TMTC4: variants seen among roughly 807,000 people sequenced by gnomAD.
TMTC4 encodes transmembrane O-mannosyltransferase targeting cadherins 4, also known as protein O-mannosyl-transferase TMTC4.
In TMTC4, 65 loss-of-function variants were observed where a neutral mutation model predicts 86.0. The ratio of observed to expected loss-of-function variants is 0.76; its 90% CI spans 0.62 to 0.93. TMTC4 has a LOEUF of 0.93. Among genes scored for constraint, TMTC4 ranks in the 40% least tolerant of loss-of-function variants. The probability of loss-of-function intolerance (pLI) is 0.00; values close to 1 mark genes in which losing one functional copy is unlikely to be tolerated. For missense variants in TMTC4, 866 were observed against 948.1 expected (o/e 0.91, Z 1.14); for synonymous variants, 379 against 382.5 (o/e 0.99, Z 0.11).
chr13:100,627,464 C>A (rs1022451100), intron 12 of TMTC4, among the ~76,000 whole-genome samples: 6 of 152,114 alleles, frequency 3.9e-5, no homozygotes, highest in African/African-American at 1.4e-4. Flanking sequence ...TGCTCCCTGC[C>A]TCTCTCCTGT....
At position 100,604,418 on chromosome 13, in the gene TMTC4, A is replaced by G. The variant is rs150768408; in HGVS notation, c.*576T>C. 2 of 152,470 alleles carry G rather than the reference A, an allele frequency of 1.3e-5. No individual in the cohort carries two copies. The highest frequency in any genetic ancestry group is 1.9e-4 in the East Asian group (1 of 5,192). 9.4% of individuals were successfully genotyped at this position (152,470 alleles called of 1,614,324 possible). A position where few individuals can be genotyped will look rare whatever the true frequency, so the allele number is the denominator to read the frequency against. On this transcript the variant is annotated 3_prime_UTR_variant, in exon 19 of 19. Transcript: ENST00000342624. ...ATGGGGAAAAGCATATAGATATACT[A>G]TGTTAAAACTTCCATTCCTCATTCG...
chr13:100,674,060 AC>A, intron 1 of TMTC4: 1 of 985,072 alleles, frequency 1.0e-6, no homozygotes. Context: ...CACAACATCA[AC>A]AAGACCAGAA....
chr13:100,651,817 T>C (rs1884479718), intron 6 of TMTC4, among the ~76,000 whole-genome samples: 1 of 152,182 alleles, frequency 6.6e-6, no homozygotes, highest in African/African-American at 2.4e-5. Flanking sequence ...ATCCCAAAAG[T>C]ACAAAGACCA....
Position 100,634,851 on chromosome 13 carries a change from T to C in TMTC4, c.1460A>G (p.Glu487Gly). 6.2e-7 allele frequency: 1 copy of C among 1,614,126 alleles called. No homozygotes were observed. The highest frequency in any genetic ancestry group is 2.2e-5 in the East Asian group (1 of 44,874). The change falls in exon 12 of 19, where the codon GAA becomes GGA. Residue 487 changes from glutamate to glycine, a missense_variant. Transcript: ENST00000342624. ...AGACAGAGCACTTCTGAAAAGCTGT[T>C]CCTCACTCCGCCACTCGCCGCTGCG... ...VLRSGEWRSE[E>G]QLFRSALSVC...
intron 6 of TMTC4, among the ~76,000 whole-genome samples, chr13:100,643,374 C>T (rs1046587865): frequency 4.6e-5 from 7 of 152,206 alleles, no homozygotes; most frequent in African/African-American, 1.2e-4. Flanking sequence ...CCACTCACTG[C>T]GTGACACTGA....
At position 100,634,875 on chromosome 13, in the gene TMTC4, C is replaced by A. The variant is rs779268687; in HGVS notation, c.1436G>T (p.Arg479Leu). ...TTCCTCACTCCGCCACTCGCCGCTG[C>A]GCAGCACACATCTCAGCGTGTTGAT... is the stretch of plus-strand genomic sequence containing the variant. The part of the protein sequence containing the change: ...LFINTLRCVL[R>L]SGEWRSEEQL... The change falls in exon 12 of 19, where the codon CGC becomes CTC. Residue 479 changes from arginine to leucine, a missense_variant. Physicochemically the swap from Arg to Leu is moderately radical, Grantham distance 102 (BLOSUM62 -2). Transcript: ENST00000342624. 2 of 1,614,052 alleles carry A rather than the reference C, an allele frequency of 1.2e-6. No homozygotes were observed. The highest frequency in any genetic ancestry group is 1.7e-6 in the Non-Finnish European group (2 of 1,180,042).
At chr13:100,668,216 GTTTTTT>G (rs34960647) in intron 3 of TMTC4, 1 of 157,430 alleles carries the variant, frequency 6.4e-6, no homozygotes, top group African/African-American at 2.5e-5. Flanking sequence ...TGCGTGATGG[GTTTTTT>G]TTTTTTTTGA....
chr13:100,674,669 C>T (rs1259748484), intron 1 of TMTC4, 75 bp downstream of exon 1: 3 of 983,012 alleles, frequency 3.1e-6, no homozygotes, highest in Non-Finnish European at 3.6e-6. Context: ...CAGCGGGGAA[C>T]CCGCGCCCGC....
intron 15 of TMTC4, among the ~76,000 whole-genome samples, chr13:100,621,965 C>T (rs1879567867): frequency 6.6e-6 from 1 of 152,194 alleles, no homozygotes; most frequent in Non-Finnish European, 1.5e-5. Flanking sequence ...CCACTCGTAA[C>T]ATTATGTTGA....
chr13:100,665,566 C>T (rs1054424280), intron 3 of TMTC4, among the ~76,000 whole-genome samples: 3 of 152,218 alleles, frequency 2.0e-5, no homozygotes, highest in Admixed American at 1.3e-4. Context: ...CCCCACCTCG[C>T]GTGACCAGTT....
At chr13:100,660,014 T>C (rs1885572026) in intron 5 of TMTC4, among the ~76,000 whole-genome samples, 2 of 150,822 alleles carry the variant, frequency 1.3e-5, no homozygotes, top group East Asian at 1.9e-4. Context: ...CTAAAACATA[T>C]TAATATAAAT....
intron 4 of TMTC4, among the ~76,000 whole-genome samples, chr13:100,663,823 A>AG (rs1886089946): frequency 6.6e-6 from 1 of 152,114 alleles, no homozygotes; most frequent in Admixed American, 6.5e-5. Flanking sequence ...TGATTAACGG[A>AG]GGGGGGATTG....
At chr13:100,661,717 TAAC>T (rs772129806) in intron 5 of TMTC4, among the ~76,000 whole-genome samples, 1 of 152,312 alleles carries the variant, frequency 6.6e-6, no homozygotes, top group Non-Finnish European at 1.5e-5. Context: ...GAGGGTGTGA[TAAC>T]AACTCCACAA....
chr13:100,626,533 G>A (rs1037406978), intron 12 of TMTC4, among the ~76,000 whole-genome samples: 4 of 152,004 alleles, frequency 2.6e-5, no homozygotes, highest in Middle Eastern at 3.2e-3. Flanking sequence ...CCATCATAGC[G>A]TGCTGCAGCC....
chr13:100,619,162 C>T (rs575699467), intron 15 of TMTC4, among the ~76,000 whole-genome samples: 10 of 147,376 alleles, frequency 6.8e-5, no homozygotes, highest in Admixed American at 2.7e-4. Context: ...ACTGGCCGGG[C>T]GGGGGGCTGA....
intron 17 of TMTC4, among the ~76,000 whole-genome samples, chr13:100,608,119 G>C (rs562329784): frequency 6.6e-6 from 1 of 152,224 alleles, no homozygotes; most frequent in Non-Finnish European, 1.5e-5. Flanking sequence ...TAACTTGAGA[G>C]AAATGGCTTA....
rs533961031 is a variant in TMTC4, at chr13:100,636,546, G to A, written c.1188C>T (p.Asp396=). 21 of 1,614,190 alleles carry A rather than the reference G, an allele frequency of 1.3e-5. No homozygotes were observed. Among genetic ancestry groups the A allele is most frequent in the Admixed American group, 1.0e-4 (6 of 60,022 alleles). Reference sequence around the variant, plus strand: ...CTGCCTCTTACCTTCTCTTGTGGCCGTCTTCAGAGCACAGGGCTTGGCATA... The same window carrying A: ...CTGCCTCTTACCTTCTCTTGTGGCCATCTTCAGAGCACAGGGCTTGGCATA... ...GLICQALCSE[D]GHKRRILTLG... The change falls in exon 10 of 19, where the codon GAC becomes GAT. Residue 396 remains aspartate (D), a synonymous_variant. Coordinates refer to ENST00000342624, the MANE Select transcript of TMTC4 (RefSeq NM_032813.5).
chr13:100,629,427 G>T (rs1228120716), intron 12 of TMTC4, among the ~76,000 whole-genome samples: 7 of 152,076 alleles, frequency 4.6e-5, no homozygotes, highest in Non-Finnish European at 7.4e-5. Flanking sequence ...GCTCGAGGCC[G>T]TGGCTGCTGT....
At chr13:100,632,053 A>ACACTCTCTCTCTCT (rs1296569630) in intron 12 of TMTC4, among the ~76,000 whole-genome samples, 714 of 42,742 alleles carry the variant, frequency 0.017, 11 homozygotes, top group Non-Finnish European at 0.025. Context: ...ACACACACAC[A>ACACTCTCTCTCTCT]CTCTCTCTCT....
Sources: gnomAD v4.1 joint callset for allele counts (sites outside exome capture counted in the v4.1 genomes callset) on GRCh38, gnomAD v4.1.1 for gene constraint, MANE v1.5 for transcripts, NCBI Gene and HGNC (gene_info 2026-07-23, HGNC 2026-07-21) for gene names.